Variants in XKR4 observed in about 807,000 individuals in gnomAD.
The protein encoded by XKR4 is XK-related protein 4.
XKR4 carries 12 observed loss-of-function variants against 53.9 expected under a neutral mutation model. The observed-to-expected ratio is 0.22, with a 90% CI of 0.14 to 0.36. XKR4 has a LOEUF of 0.36. Ranked by LOEUF, XKR4 falls within the 10% of genes least tolerant of loss-of-function variation. The pLI, the probability that XKR4 is intolerant of heterozygous loss-of-function variation, is 1.00. For missense variants in XKR4, 799 were observed against 859.5 expected (o/e 0.93, Z 0.88); for synonymous variants, 354 against 362.4 (o/e 0.98, Z 0.26).
At chr8:55,110,972 A>G (rs1025904797) in intron 1 of XKR4, among the ~76,000 whole-genome samples, 12 of 152,136 alleles carry the variant, frequency 7.9e-5, no homozygotes, top group African/African-American at 2.9e-4. Flanking sequence ...TAAAAGGAAA[A>G]TCCCTGAGGT....
At chr8:55,117,528 T>C (rs1816327346) in intron 1 of XKR4, among the ~76,000 whole-genome samples, 2 of 152,170 alleles carry the variant, frequency 1.3e-5, no homozygotes, top group Non-Finnish European at 2.9e-5. Context: ...TAAGTGCCAT[T>C]GTAGCTTGCC....
intron 1 of XKR4, among the ~76,000 whole-genome samples, chr8:55,105,514 C>G (rs1476869586): frequency 6.6e-6 from 1 of 152,020 alleles, no homozygotes; most frequent in Non-Finnish European, 1.5e-5. Context: ...TCCTTAGAGG[C>G]TTTAAAGTTA....
Position 55,102,039 on chromosome 8 carries a change from C to A in XKR4, c.-450C>A, listed in dbSNP as rs1427356169. ...GAAGGGATGAGGTCATCCTCTCCCTCGGAGTCAGCTGGTGGAGGAGAGGAA... is the reference window on the plus strand; with the variant it reads ...GAAGGGATGAGGTCATCCTCTCCCTAGGAGTCAGCTGGTGGAGGAGAGGAA... On this transcript the variant is annotated 5_prime_UTR_variant, in exon 1 of 3. Coordinates refer to ENST00000327381, the MANE Select transcript of XKR4 (RefSeq NM_052898.2). This position sits in a 1 kb window ranked among gnomAD's most constrained non-coding sequence, Gnocchi z 5.1. Among the ~76,000 whole-genome samples the A allele has an allele frequency of 1.3e-5, 2 of 152,054 alleles. No individual in the cohort carries two copies. The highest frequency in any genetic ancestry group is 2.4e-5 in the African/African-American group (1 of 41,434).
intron 2 of XKR4, among the ~76,000 whole-genome samples, chr8:55,375,217 G>A (rs192549339): frequency 7.2e-4 from 109 of 152,328 alleles, no homozygotes; most frequent in Non-Finnish European, 9.7e-4. Context: ...CTAAATTGCA[G>A]TGTTGTGTTA....
intron 1 of XKR4, among the ~76,000 whole-genome samples, chr8:55,207,249 G>A (rs528424150): frequency 6.6e-6 from 1 of 152,294 alleles, no homozygotes; most frequent in East Asian, 1.9e-4. Context: ...GGGGCAGGGT[G>A]GGGCAGTGGC....
intron 2 of XKR4, among the ~76,000 whole-genome samples, chr8:55,487,479 TTC>T (rs1554530224): frequency 4.6e-4 from 70 of 151,114 alleles, no homozygotes; most frequent in African/African-American, 1.6e-3. Context: ...TTTTTTTTTT[TTC>T]TTGAGACAGA....
At chr8:55,387,156 C>T (rs542796038) in intron 2 of XKR4, among the ~76,000 whole-genome samples, 51 of 152,272 alleles carry the variant, frequency 3.3e-4, no homozygotes, top group African/African-American at 1.2e-3. Flanking sequence ...TTGACAACAC[C>T]CTGTGCATAA....
intron 2 of XKR4, among the ~76,000 whole-genome samples, chr8:55,436,970 C>T (rs991822106): frequency 6.6e-5 from 10 of 152,098 alleles, no homozygotes; most frequent in East Asian, 3.8e-4. Context: ...TCTGCCCGAT[C>T]GAGTTTTCTA....
At chr8:55,464,082 T>C (rs1805714065) in intron 2 of XKR4, among the ~76,000 whole-genome samples, 1 of 152,178 alleles carries the variant, frequency 6.6e-6, no homozygotes, top group South Asian at 2.1e-4. Context: ...TCTGAAACTA[T>C]TCCAATCTAT....
At chr8:55,236,923 T>C (rs2129367682) in intron 1 of XKR4, among the ~76,000 whole-genome samples, 1 of 152,326 alleles carries the variant, frequency 6.6e-6, no homozygotes, top group Middle Eastern at 3.4e-3. Context: ...TCCTACCATC[T>C]CATTTAATTA....
intron 1 of XKR4, among the ~76,000 whole-genome samples, chr8:55,167,295 A>G (rs1238929895): frequency 6.6e-6 from 1 of 152,224 alleles, no homozygotes; most frequent in East Asian, 1.9e-4. Flanking sequence ...CTTTCATGAG[A>G]TTCAGCGAAG....
intron 2 of XKR4, among the ~76,000 whole-genome samples, chr8:55,378,499 A>G (rs1401775463): frequency 2.0e-5 from 3 of 152,224 alleles, no homozygotes; most frequent in African/African-American, 7.2e-5. Flanking sequence ...GTAGCTTGCT[A>G]TGGAGAAAAA....
chr8:55,139,411 C>T (rs1254810994), intron 1 of XKR4, among the ~76,000 whole-genome samples: 2 of 151,392 alleles, frequency 1.3e-5, no homozygotes, highest in African/African-American at 4.9e-5. Flanking sequence ...GCGGCAGGCC[C>T]CGGTAATCCC....
chr8:55,111,283 A>G (rs914786799), intron 1 of XKR4, among the ~76,000 whole-genome samples: 1 of 152,104 alleles, frequency 6.6e-6, no homozygotes, highest in Non-Finnish European at 1.5e-5. Context: ...TTCTATCTGT[A>G]TGATGCGATT....
intron 2 of XKR4, among the ~76,000 whole-genome samples, chr8:55,472,863 T>A (rs1012389222): frequency 1.3e-5 from 2 of 152,108 alleles, no homozygotes; most frequent in Admixed American, 1.3e-4. Context: ...ATTACTTGGT[T>A]ACAGAAGCGT....
At chr8:55,265,630 G>A (rs1818588092) in intron 1 of XKR4, among the ~76,000 whole-genome samples, 1 of 152,104 alleles carries the variant, frequency 6.6e-6, no homozygotes, top group South Asian at 2.1e-4. Context: ...AAGGCAGGAG[G>A]ATTGCTTGAG....
At chr8:55,244,239 C>A (rs988034049) in intron 1 of XKR4, among the ~76,000 whole-genome samples, 1 of 152,172 alleles carries the variant, frequency 6.6e-6, no homozygotes, top group African/African-American at 2.4e-5. Context: ...CTCAAGTAGA[C>A]CCCATGTCTC....
intron 1 of XKR4, among the ~76,000 whole-genome samples, chr8:55,183,803 T>C (rs370018679): frequency 2.0e-5 from 3 of 152,340 alleles, no homozygotes; most frequent in East Asian, 3.9e-4. Flanking sequence ...CTCTGCCTAC[T>C]TACTGTATTA....
At chr8:55,450,947 G>A (rs1162418501) in intron 2 of XKR4, 1 of 494,702 alleles carries the variant, frequency 2.0e-6, no homozygotes, top group African/African-American at 2.0e-5. Flanking sequence ...GCAAGCGCAG[G>A]AAGGAGACTA....
Sources: allele counts gnomAD v4.1 joint callset (sites outside exome capture counted in the v4.1 genomes callset), GRCh38; gene constraint gnomAD v4.1.1; non-coding constraint Gnocchi (gnomAD v3.1); transcripts MANE v1.5; gene names NCBI Gene and HGNC (gene_info 2026-07-23, HGNC 2026-07-21).